The following SLCO1B3 variants were observed in gnomAD, a reference collection of about 807,000 sequenced individuals.
SLCO1B3 encodes liver-specific organic anion transporter 2.
SLCO1B3 carries 72 observed loss-of-function variants against 71.8 expected under a neutral mutation model. The ratio of observed to expected loss-of-function variants is 1.00; its 90% CI spans 0.83 to 1.22. The LOEUF (loss-of-function observed/expected upper bound fraction) is 1.22. SLCO1B3 is among the 50% of genes most tolerant of loss of function. The probability of loss-of-function intolerance (pLI) is 0.00; values close to 1 mark genes in which losing one functional copy is unlikely to be tolerated. For synonymous variants in SLCO1B3, 298 were observed against 278.4 expected, an observed-to-expected ratio of 1.07 and a Z score of -0.70; for missense variants, 911 against 819.7, an observed-to-expected ratio of 1.11 and a Z score of -1.36.
At chr12:20,858,245 A>G (rs11831951) in intron 4 of SLCO1B3, among the ~76,000 whole-genome samples, 194 bp from the exon 5 acceptor site, 4 of 152,098 alleles carry the variant, frequency 2.6e-5, no homozygotes, top group African/African-American at 9.7e-5. Context: ...TATAAAACCT[A>G]TTCTACTTAT....
intron 15 of SLCO1B3, among the ~76,000 whole-genome samples, chr12:20,904,192 A>G (rs1322582334): frequency 2.7e-5 from 4 of 150,116 alleles, no homozygotes; most frequent in African/African-American, 9.8e-5. Context: ...GTGGGCCGAG[A>G]TCACACCACT....
chr12:20,875,088 A>C lies in SLCO1B3; in HGVS notation c.728-147A>C. On this transcript the variant is annotated intron_variant, in intron 8 of 15. Coordinates refer to ENST00000381545, the MANE Select transcript of SLCO1B3 (RefSeq NM_019844.4). ...AGTTTCAGAGATAACAAAATATGAA[A>C]AGAAGAAAATAGTGTTTTAGAATTG... 2.8e-6 allele frequency: 3 copies of C among 1,079,594 alleles called. 1 individual carries two copies. The highest frequency in any genetic ancestry group is 4.1e-6 in the Non-Finnish European group (3 of 728,868). 66.9% of individuals were successfully genotyped at this position (1,079,594 alleles called of 1,614,324 possible). A position where few individuals can be genotyped will look rare whatever the true frequency, so the allele number is the denominator to read the frequency against.
At chr12:20,854,918 A>G (rs956645329) in intron 3 of SLCO1B3, 110 bp from the exon 4 acceptor site, 10 of 1,012,110 alleles carry the variant, frequency 9.9e-6, no homozygotes, top group Admixed American at 2.7e-5. Flanking sequence ...GTATTTTTTT[A>G]TGATAATGTT....
At chr12:20,886,674 C>T (rs1039576839) in intron 13 of SLCO1B3, among the ~76,000 whole-genome samples, 2 of 151,842 alleles carry the variant, frequency 1.3e-5, no homozygotes, top group Admixed American at 1.3e-4. Context: ...AAAACTAGTG[C>T]ATGAAGATGG....
In SLCO1B3 at chr12:20,855,740, TATA is replaced by T. The variant is rs1189523673; in HGVS notation, c.226+577_226+579del. 3.3e-5 allele frequency among the ~76,000 whole-genome samples: 5 copies of T among 150,950 alleles called. No homozygotes were observed. In the East Asian group the frequency reaches 9.7e-4, roughly 29 times the overall value. On this transcript the variant is annotated intron_variant, in intron 4 of 15. Transcript: ENST00000381545. ...TTTCTCCAACAATAGTGAGATTTTATATAATAATTGAAAATATTATATAATAAT... is the reference window on the plus strand; with the variant it reads ...TTTCTCCAACAATAGTGAGATTTTATATAATTGAAAATATTATATAATAAT...
intron 3 of SLCO1B3, among the ~76,000 whole-genome samples, chr12:20,851,103 C>A (rs1194539178): frequency 3.9e-5 from 6 of 152,084 alleles, no homozygotes; most frequent in African/African-American, 7.2e-5. Flanking sequence ...TACCTCTTGG[C>A]TATTGTAAAT....
chr12:20,844,082 TTTAA>T (rs1290603132), intron 3 of SLCO1B3, among the ~76,000 whole-genome samples: 1 of 152,016 alleles, frequency 6.6e-6, no homozygotes, highest in Admixed American at 6.6e-5. Context: ...TATTGTTAAT[TTTAA>T]TTAAAATCTT....
chr12:20,833,780 ATC>A (rs149799828), intron 3 of SLCO1B3, among the ~76,000 whole-genome samples: 7,627 of 147,748 alleles, frequency 0.052, 241 homozygotes, highest in East Asian at 0.09. Context: ...TTTATCATCT[ATC>A]TCTCTATTTC....
At chr12:20,901,214 G>T in intron 14 of SLCO1B3, 136 bp from the exon 15 acceptor site, 1 of 628,140 alleles carries the variant, frequency 1.6e-6, no homozygotes, top group Non-Finnish European at 2.8e-6. Context: ...TTCCTGGGTG[G>T]ATGTAAGCCA....
At chr12:20,911,882 C>T (rs1866384843) in intron 15 of SLCO1B3, among the ~76,000 whole-genome samples, 2 of 152,054 alleles carry the variant, frequency 1.3e-5, no homozygotes, top group South Asian at 4.1e-4. Context: ...TGAGAAACAG[C>T]TTTTGTTTTT....
At chr12:20,907,658 G>A (rs950381465) in intron 15 of SLCO1B3, among the ~76,000 whole-genome samples, 21 of 151,290 alleles carry the variant, frequency 1.4e-4, no homozygotes, top group African/African-American at 4.9e-4. Flanking sequence ...ACAGGCGCCC[G>A]CCATTACGGC....
intron 5 of SLCO1B3, among the ~76,000 whole-genome samples, chr12:20,859,930 C>G (rs1333659296): frequency 2.0e-5 from 3 of 151,668 alleles, no homozygotes; most frequent in East Asian, 1.9e-4. Flanking sequence ...TCTACCCTCA[C>G]CTCCAAGAAA....
At chr12:20,877,111 G>A (rs144656791) in intron 9 of SLCO1B3, among the ~76,000 whole-genome samples, 6,625 of 152,176 alleles carry the variant, frequency 0.044, 235 homozygotes, top group East Asian at 0.18. Flanking sequence ...GATTACAGGC[G>A]TGAGCCACCA....
At chr12:20,913,615 C>G (rs993888727) in intron 15 of SLCO1B3, among the ~76,000 whole-genome samples, 3 of 152,110 alleles carry the variant, frequency 2.0e-5, no homozygotes, top group African/African-American at 4.8e-5. Flanking sequence ...AAAATAGGTA[C>G]TCCCATTTTC....
At chr12:20,812,535 T>C (rs139048747) in intron 1 of SLCO1B3, among the ~76,000 whole-genome samples, 2 of 152,296 alleles carry the variant, frequency 1.3e-5, no homozygotes, top group African/African-American at 4.8e-5. Context: ...AGCTTTTCTG[T>C]TGGGACAGTG....
intron 15 of SLCO1B3, 141 bp downstream of exon 15, chr12:20,901,608 C>T: frequency 3.7e-6 from 2 of 537,114 alleles, no homozygotes; most frequent in Non-Finnish European, 6.7e-6. Flanking sequence ...ACTATTGTAT[C>T]AAGCATTCTG....
intron 3 of SLCO1B3, among the ~76,000 whole-genome samples, chr12:20,826,096 T>C (rs1864415127): frequency 6.6e-6 from 1 of 152,208 alleles, no homozygotes; most frequent in Non-Finnish European, 1.5e-5. Flanking sequence ...TAAACCGTAC[T>C]TGAATTAGTT....
chr12:20,836,229 C>T (rs1396568436), intron 3 of SLCO1B3, among the ~76,000 whole-genome samples: 10 of 152,114 alleles, frequency 6.6e-5, no homozygotes, highest in Non-Finnish European at 7.4e-5. Flanking sequence ...TCAGTGGGGA[C>T]GCAGCCAAAA....
chr12:20,875,557 T>C (rs763645638), intron 9 of SLCO1B3, 80 bp downstream of exon 9: 17 of 1,390,156 alleles, frequency 1.2e-5, no homozygotes, highest in Non-Finnish European at 1.6e-5. Context: ...AAATAAAGCA[T>C]ACTCAAATCA....
Sources: gnomAD v4.1 joint callset for allele counts (sites outside exome capture counted in the v4.1 genomes callset) on GRCh38, gnomAD v4.1.1 for gene constraint, MANE v1.5 for transcripts, NCBI Gene and HGNC (gene_info 2026-07-23, HGNC 2026-07-21) for gene names.